CUL9: variants seen among roughly 807,000 people sequenced by gnomAD.
CUL9 encodes the protein cullin 9.
Under a neutral mutation model 272.6 loss-of-function variants are expected in CUL9, and 79 were observed. That is an observed-to-expected ratio of 0.29 (90% CI 0.24 to 0.35). CUL9 has a LOEUF of 0.35. Among genes scored for constraint, CUL9 ranks in the 10% least tolerant of loss-of-function variants. CUL9 has a pLI of 1.00. For synonymous variants in CUL9, 1,186 were observed against 1,286.5 expected (o/e 0.92, Z 1.67); for missense variants, 2,532 against 3,255.6 (o/e 0.78, Z 5.41).
Position 43,223,322 on chromosome 6 carries a change from C to A in CUL9, c.7209C>A (p.Asp2403Glu). 1 of 1,602,080 alleles carries A rather than the reference C, an allele frequency of 6.2e-7. No homozygotes were observed. The highest frequency in any genetic ancestry group is 1.7e-5 in the Admixed American group (1 of 58,334). The change falls in exon 39 of 41, where the codon GAC (aspartate) becomes GAA (glutamate). Residue 2403 changes from aspartate to glutamate, a missense_variant. Transcript: ENST00000252050. This position sits in a 1 kb window ranked among gnomAD's most constrained non-coding sequence, Gnocchi z 4.1. ...CCTCCCTGCGCCTCCTGCGGGCCGA[C>A]TGCCTCAGCACGGGCATGGAGCTGC... ...LASSLRLLRA[D>E]CLSTGMELLR...
chr6:43,207,286 C>T (rs1437310937), intron 26 of CUL9, among the ~76,000 whole-genome samples: 1 of 152,206 alleles, frequency 6.6e-6, no homozygotes, highest in Non-Finnish European at 1.5e-5. Context: ...CTCCTTCATG[C>T]CCCCTTTCCA....
intron 20 of CUL9, 39 bp downstream of exon 20, chr6:43,204,026 TG>T: frequency 2.6e-6 from 4 of 1,552,144 alleles, no homozygotes; most frequent in Non-Finnish European, 3.5e-6. Flanking sequence ...ACCAGTTCCT[TG>T]TCCTTATTCC....
rs748127282 is a variant in CUL9 at position 43,203,637 on chromosome 6, CTG to C, written c.4025+48_4025+49del. The C allele has an allele frequency of 6.9e-6, 11 of 1,588,928 alleles. No homozygotes were observed. Among genetic ancestry groups the C allele is most frequent in the South Asian group, 2.2e-5 (2 of 89,006 alleles). On this transcript the variant is annotated intron_variant, in intron 19 of 40. Transcript: ENST00000252050. The surrounding 1 kb of genome is among the most constrained non-coding windows in gnomAD (Gnocchi z 5.0). ...GGAAGATGGGTAAGGGAACAGGACA[CTG>C]TGAGAAGTAGGAGGGATGCTCCTGT...
chr6:43,202,805 G>A lies in CUL9; in HGVS notation c.3737G>A (p.Gly1246Asp), dbSNP rs1774712655. The change falls in exon 17 of 41, where the codon GGC becomes GAC. Residue 1246 changes from glycine (G) to aspartate (D), a missense_variant. Around this residue, in one of 3 missense-constraint regions of CUL9, gnomAD observed 2,218 missense variants for 2,788.6 expected, o/e 0.80. Transcript: ENST00000252050. Reference protein sequence around the residue: ...VFGGDSTSCIGTELNTVNVMP... With the variant: ...VFGGDSTSCIDTELNTVNVMP... ...GGGGGTGACAGCACCAGCTGCATCG[G>A]CACTGAGCTCAACACGGTGGGGACC... 1 of 1,614,026 alleles carries A rather than the reference G, an allele frequency of 6.2e-7. No individual in the cohort carries two copies.
intron 22 of CUL9, 37 bp from the exon 23 acceptor site, chr6:43,204,896 C>A: frequency 6.2e-7 from 1 of 1,611,852 alleles, no homozygotes; most frequent in Non-Finnish European, 8.5e-7. Context: ...AGGGGAGGGG[C>A]TGCTCCTTTT....
rs747391895 is a variant in CUL9, at chr6:43,184,607, C to T, written c.297C>T (p.Ser99=). Residue 99 remains serine, a synonymous_variant, in exon 2 of 41, where the codon AGC becomes AGT. Transcript: ENST00000252050. This position sits in a 1 kb window ranked among gnomAD's most constrained non-coding sequence, Gnocchi z 4.8. ...ACGAACCAGCTGGGGTTTCAGGAAG[C>T]TTTCCTCGAGATCCAGGAGGCCTGG... The part of the protein sequence containing the change: ...LQHEPAGVSG[S]FPRDPGGLDE... 3.7e-6 allele frequency: 6 copies of T among 1,612,364 alleles called. No homozygotes were observed. Among genetic ancestry groups the T allele is most frequent in the Admixed American group, 1.7e-5 (1 of 59,950 alleles).
intron 16 of CUL9, among the ~76,000 whole-genome samples, chr6:43,201,250 A>G: frequency 6.6e-6 from 1 of 152,210 alleles, no homozygotes; most frequent in Non-Finnish European, 1.5e-5. Context: ...AAGAAAAAGC[A>G]TTGTGGTCCA....
rs369311981 is a variant in CUL9 at position 43,196,827 on chromosome 6, G to A, written c.2768G>A (p.Arg923His). 1.6e-5 allele frequency: 26 copies of A among 1,614,034 alleles called. No individual in the cohort carries two copies. The African/African-American group carries it at 2.4e-4, about 15-fold the overall frequency. The change falls in exon 11 of 41, where the codon CGC becomes CAC. Residue 923 changes from arginine to histidine, a missense_variant. Arg to His is a conservative substitution (Grantham distance 29). Transcript: ENST00000252050. The part of the protein sequence containing the change: ...TRTILMMLLN[R>H]YSEPPGSPER... ...ACCATCCTCATGATGCTTCTCAATC[G>A]CTACTCAGAGCCGCCGGGCAGCCCT...
In CUL9 at chr6:43,222,792, C is replaced by T; in HGVS notation, c.7046C>T (p.Ala2349Val). ...GAGCCCCTGCAGGTGCTGGCCTACGCCTGCGTGTACAGCTTCTACAGCCAG... is the reference window on the plus strand; with the variant it reads ...GAGCCCCTGCAGGTGCTGGCCTACGTCTGCGTGTACAGCTTCTACAGCCAG... ...LEQARKVLAY[A>V]CVYSFYSQDA... The change falls in exon 38 of 41, where the codon GCC (alanine) becomes GTC (valine). Residue 2349 changes from alanine (A) to valine (V), a missense_variant. Coordinates refer to ENST00000252050, the MANE Select transcript of CUL9 (RefSeq NM_015089.4). 1 of 1,614,012 alleles carries T rather than the reference C, an allele frequency of 6.2e-7. No homozygotes were observed. Among genetic ancestry groups the T allele is most frequent in the East Asian group, 2.2e-5 (1 of 44,880 alleles).
rs752684826 is a variant in CUL9 at position 43,184,412 on chromosome 6, G to T, written c.102G>T (p.Gly34=). 23 of 1,613,646 alleles carry T rather than the reference G, an allele frequency of 1.4e-5. 1 individual carries two copies. The South Asian group carries it at 2.5e-4, about 18-fold the overall frequency. Reference sequence around the variant, plus strand: ...TTCGACAGAGGCCTGGGCATGACGGGCATCCTGAATACCTGATCCGATGGA... The same window carrying T: ...TTCGACAGAGGCCTGGGCATGACGGTCATCCTGAATACCTGATCCGATGGA... The part of the protein sequence containing the change: ...ELIRQRPGHD[G]HPEYLIRWSV... The change falls in exon 2 of 41, where the codon GGG becomes GGT. Residue 34 remains glycine (G), a synonymous_variant. Coordinates refer to ENST00000252050, the MANE Select transcript of CUL9 (RefSeq NM_015089.4). This position sits in a 1 kb window ranked among gnomAD's most constrained non-coding sequence, Gnocchi z 4.8.
At position 43,221,349 on chromosome 6, in the gene CUL9, A is replaced by G. The variant is rs374951683; in HGVS notation, c.6752+28A>G. ...AAGAAGGGGGGTACTGTGGGGAGCCAGAGGGCAAGGAGGGGGGAGGAGGCC... is the reference window on the plus strand; with the variant it reads ...AAGAAGGGGGGTACTGTGGGGAGCCGGAGGGCAAGGAGGGGGGAGGAGGCC... On this transcript the variant is annotated intron_variant, in intron 34 of 40. Transcript: ENST00000252050. This position sits in a 1 kb window ranked among gnomAD's most constrained non-coding sequence, Gnocchi z 4.2. 30 of 1,432,758 alleles carry G rather than the reference A, an allele frequency of 2.1e-5. No individual in the cohort carries two copies. The highest frequency in any genetic ancestry group is 1.7e-4 in the East Asian group (6 of 34,702). 88.8% of individuals were successfully genotyped at this position (1,432,758 alleles called of 1,614,324 possible).
chr6:43,188,990 T>C (rs542741907), intron 8 of CUL9: 8 of 285,254 alleles, frequency 2.8e-5, no homozygotes, highest in African/African-American at 1.7e-4. Context: ...TATCCTACTA[T>C]ATGGGTGAGG....
chr6:43,209,668 C>T (rs1360488365), intron 26 of CUL9, among the ~76,000 whole-genome samples: 1 of 151,726 alleles, frequency 6.6e-6, no homozygotes, highest in South Asian at 2.1e-4. Context: ...TTTTTTGAGA[C>T]AGAGCCTTGC....
chr6:43,204,787 C>T lies in CUL9; in HGVS notation c.4379C>T (p.Pro1460Leu), dbSNP rs1160911618. 7 of 1,614,126 alleles carry T rather than the reference C, an allele frequency of 4.3e-6. No individual in the cohort carries two copies. The highest frequency in any genetic ancestry group is 2.2e-5 in the East Asian group (1 of 44,894). Residue 1460 changes from proline (P) to leucine (L), a missense_variant, in exon 22 of 41, where the codon CCT (proline) becomes CTT (leucine). Transcript: ENST00000252050. ...NSKGRDRSPA[P>L]SPVLPSSSLR... is the part of the protein sequence containing the mutation. ...AAGGGTCGGGACCGGAGCCCGGCGC[C>T]TTCGCCAGTGCTTCCAAGCAGCAGC...
chr6:43,188,245 A>G, intron 7 of CUL9, 127 bp downstream of exon 7: 1 of 1,089,844 alleles, frequency 9.2e-7, no homozygotes, highest in Non-Finnish European at 1.3e-6. Context: ...ATGCCTTGGA[A>G]CCATGCGTCC....
chr6:43,224,221 T>G lies in CUL9; in HGVS notation c.7359-29T>G. 1 of 1,614,148 alleles carries G rather than the reference T, an allele frequency of 6.2e-7. No individual in the cohort carries two copies. Among genetic ancestry groups the G allele is most frequent in the South Asian group, 1.1e-5 (1 of 91,080 alleles). On this transcript the variant is annotated intron_variant, in intron 40 of 40. Transcript: ENST00000252050. The surrounding 1 kb of genome is among the most constrained non-coding windows in gnomAD (Gnocchi z 4.2). ...GAGGCAGTGGGACATGGCAGCCTCC[T>G]CTGGGCTGAGTGTGGTGGCTCTCCC... is the stretch of plus-strand genomic sequence containing the variant.
rs1647584549 is a variant in CUL9, at chr6:43,200,378, C to T, written c.3385-58C>T. 3.7e-6 allele frequency: 6 copies of T among 1,613,256 alleles called. No homozygotes were observed. The South Asian group carries it at 5.5e-5, about 15-fold the overall frequency. On this transcript the variant is annotated intron_variant, in intron 14 of 40. Transcript: ENST00000252050. This position sits in a 1 kb window ranked among gnomAD's most constrained non-coding sequence, Gnocchi z 4.0. ...CTTTTTCTCTCTACCTGTTTCTGGGCATTTCTCTGTGTTCCTCCCTCTCCT... is the reference window on the plus strand; with the variant it reads ...CTTTTTCTCTCTACCTGTTTCTGGGTATTTCTCTGTGTTCCTCCCTCTCCT...
In CUL9 at chr6:43,198,719, T is replaced by G; in HGVS notation, c.2914T>G (p.Cys972Gly). Reference protein sequence around the residue: ...ELLLDLERVLCREGSPGGAVR... With the variant: ...ELLLDLERVLGREGSPGGAVR... ...ACTCCTGGACTTGGAGCGTGTGCTG[T>G]GCCGTGAGGGCAGCCCCGGAGGTGC... The change falls in exon 12 of 41, where the codon TGC becomes GGC. Residue 972 changes from cysteine (C) to glycine (G), a missense_variant. By Grantham distance (159) the Cys-to-Gly change is radical. Around this residue, in one of 3 missense-constraint regions of CUL9, gnomAD observed 2,218 missense variants for 2,788.6 expected, o/e 0.80. Transcript: ENST00000252050. 1.9e-6 allele frequency: 3 copies of G among 1,614,174 alleles called. No individual in the cohort carries two copies. Among genetic ancestry groups the G allele is most frequent in the Non-Finnish European group, 2.5e-6 (3 of 1,180,016 alleles).
intron 6 of CUL9, 124 bp downstream of exon 6, chr6:43,187,563 G>C: frequency 7.6e-7 from 1 of 1,321,350 alleles, no homozygotes; most frequent in East Asian, 2.3e-5. Context: ...GAGTTAGGAG[G>C]AGTCCTGCTG....
Sources: allele counts gnomAD v4.1 joint callset (sites outside exome capture counted in the v4.1 genomes callset), GRCh38; gene constraint gnomAD v4.1.1; regional missense constraint gnomAD v4.1.1; non-coding constraint Gnocchi (gnomAD v3.1); transcripts MANE v1.5; gene names NCBI Gene and HGNC (gene_info 2026-07-23, HGNC 2026-07-21).